The following AKAP6 variants were observed in gnomAD, a reference collection of about 807,000 sequenced individuals.
AKAP6 encodes A-kinase anchoring protein 6, also known as A-kinase anchor protein 6.
Under a neutral mutation model 188.5 loss-of-function variants are expected in AKAP6, and 58 were observed. The ratio of observed to expected loss-of-function variants is 0.31; its 90% CI spans 0.25 to 0.38. AKAP6 has a LOEUF of 0.38. AKAP6 is among the 10% of genes least tolerant of loss of function. The pLI is 1.00. For missense variants in AKAP6, 2,710 were observed against 2,740.0 expected (o/e 0.99, Z 0.24); for synonymous variants, 989 against 998.6 (o/e 0.99, Z 0.18).
rs1053927522 is a variant in AKAP6 at position 32,391,722 on chromosome 14, G to A, written c.-34-41738G>A. On this transcript the variant is annotated intron_variant, in intron 1 of 13. Transcript: ENST00000280979. ...TGCTTCTGTTCTGGCCATGTAAGATGTGACTGCTACCCCTTTGCATCTTCT... is the reference window on the plus strand; with the variant it reads ...TGCTTCTGTTCTGGCCATGTAAGATATGACTGCTACCCCTTTGCATCTTCT... 1.1e-4 allele frequency among the ~76,000 whole-genome samples: 16 copies of A among 152,262 alleles called. 1 individual carries two copies. In the South Asian group the frequency reaches 2.5e-3, roughly 24 times the overall value.
At chr14:32,366,146 C>A (rs1429037626) in intron 1 of AKAP6, among the ~76,000 whole-genome samples, 1 of 152,246 alleles carries the variant, frequency 6.6e-6, no homozygotes, top group African/African-American at 2.4e-5. Context: ...TCTTTCCTAC[C>A]CTTCCTTGTT....
At chr14:32,405,415 A>T (rs1356028826) in intron 1 of AKAP6, among the ~76,000 whole-genome samples, 1 of 152,152 alleles carries the variant, frequency 6.6e-6, no homozygotes, top group Non-Finnish European at 1.5e-5. Flanking sequence ...CTTAAATTTC[A>T]CAACAAATAT....
Position 32,823,644 on chromosome 14 carries a change from A to G in AKAP6, c.5831A>G (p.Asp1944Gly), listed in dbSNP as rs1447485259. ...KCKALMDSLDDSNTAGKEFVS... is the reference protein window; with the variant it reads ...KCKALMDSLDGSNTAGKEFVS... Reference sequence around the variant, plus strand: ...AAAGCACTTATGGATAGTTTAGATGATTCAAATACTGCTGGCAAGGAATTT... The same window carrying G: ...AAAGCACTTATGGATAGTTTAGATGGTTCAAATACTGCTGGCAAGGAATTT... Residue 1944 changes from aspartate (D) to glycine (G), a missense_variant, in exon 13 of 14, where the codon GAT becomes GGT. Asp to Gly is a moderately conservative substitution (Grantham distance 94, BLOSUM62 -1). Coordinates refer to ENST00000280979, the MANE Select transcript of AKAP6 (RefSeq NM_004274.5). 1.2e-6 allele frequency: 2 copies of G among 1,613,694 alleles called. No individual in the cohort carries two copies. The highest frequency in any genetic ancestry group is 1.7e-6 in the Non-Finnish European group (2 of 1,179,904).
chr14:32,746,637 G>T (rs2031921757), intron 11 of AKAP6, among the ~76,000 whole-genome samples: 1 of 152,142 alleles, frequency 6.6e-6, no homozygotes, highest in Non-Finnish European at 1.5e-5. Flanking sequence ...CTGGTATCTT[G>T]CTCTGCCCCA....
intron 7 of AKAP6, among the ~76,000 whole-genome samples, chr14:32,644,331 G>A (rs1017028731): frequency 2.0e-5 from 3 of 152,150 alleles, no homozygotes; most frequent in Admixed American, 6.5e-5. Context: ...TTTCTGTGAA[G>A]GTCATTGCTC....
chr14:32,519,619 A>G (rs927095167), intron 2 of AKAP6, among the ~76,000 whole-genome samples: 1 of 152,218 alleles, frequency 6.6e-6, no homozygotes, highest in African/African-American at 2.4e-5. Context: ...ATAGTGGTAA[A>G]GGGATCAATT....
At chr14:32,467,827 G>T (rs1355895142) in intron 2 of AKAP6, among the ~76,000 whole-genome samples, 1 of 151,904 alleles carries the variant, frequency 6.6e-6, no homozygotes, top group African/African-American at 2.4e-5. Flanking sequence ...TTCCATTCAG[G>T]ATGCACCTCT....
chr14:32,545,520 A>G lies in AKAP6; in HGVS notation c.867A>G (p.Ala289=). 1 of 1,614,238 alleles carries G rather than the reference A, an allele frequency of 6.2e-7. No individual in the cohort carries two copies. The highest frequency in any genetic ancestry group is 1.3e-5 in the African/African-American group (1 of 75,066). The stretch of plus-strand genomic sequence containing the variant: ...CTATCTCTACCAATGGCAGTGAAGC[A>G]GTTACTGAGGAGGTATCTCAAGTAT... ...ADSISTNGSE[A]VTEEVSQVSL... Residue 289 remains alanine (A), a synonymous_variant, in exon 4 of 14, where the codon GCA becomes GCG. Coordinates refer to ENST00000280979, the MANE Select transcript of AKAP6 (RefSeq NM_004274.5).
chr14:32,530,014 G>GTT, intron 2 of AKAP6, among the ~76,000 whole-genome samples: 1 of 66,612 alleles, frequency 1.5e-5, no homozygotes, highest in South Asian at 4.4e-4. Context: ...CTTTAAGACA[G>GTT]TTTTTTTTTG....
At chr14:32,806,029 G>A (rs1440602608) in intron 12 of AKAP6, among the ~76,000 whole-genome samples, 1 of 152,046 alleles carries the variant, frequency 6.6e-6, no homozygotes, top group Non-Finnish European at 1.5e-5. Flanking sequence ...TGCAAATATT[G>A]GATTCTGAAT....
chr14:32,711,635 A>G (rs1307434413), intron 9 of AKAP6, among the ~76,000 whole-genome samples: 1 of 152,070 alleles, frequency 6.6e-6, no homozygotes, highest in Non-Finnish European at 1.5e-5. Flanking sequence ...GACAAAGGCC[A>G]AAGAGGCTCA....
At chr14:32,548,511 T>A (rs929623930) in intron 4 of AKAP6, among the ~76,000 whole-genome samples, 1 of 151,726 alleles carries the variant, frequency 6.6e-6, no homozygotes, top group African/African-American at 2.4e-5. Flanking sequence ...TGAGCTTAAG[T>A]GATTTTTCTC....
intron 4 of AKAP6, among the ~76,000 whole-genome samples, chr14:32,558,927 C>T (rs534638949): frequency 1.3e-3 from 200 of 152,232 alleles, no homozygotes; most frequent in African/African-American, 4.6e-3. Context: ...ACCTCAAAGG[C>T]GTTTTGGAAA....
chr14:32,536,307 G>A (rs61982988), intron 3 of AKAP6, among the ~76,000 whole-genome samples: 8,224 of 152,240 alleles, frequency 0.054, 314 homozygotes, highest in South Asian at 0.14. Flanking sequence ...TACCTGAGAC[G>A]TAAAGGAGAG....
At chr14:32,606,351 CAAAA>C (rs1886125467) in intron 7 of AKAP6, among the ~76,000 whole-genome samples, 1 of 151,990 alleles carries the variant, frequency 6.6e-6, no homozygotes, top group South Asian at 2.1e-4. Flanking sequence ...AGGCAAAAAA[CAAAA>C]AATCTGAAAG....
At chr14:32,439,573 C>T (rs557928743) in intron 2 of AKAP6, among the ~76,000 whole-genome samples, 1 of 146,422 alleles carries the variant, frequency 6.8e-6, no homozygotes, top group East Asian at 2.0e-4. Context: ...GGATTATTCT[C>T]TTTCTCCCAC....
intron 2 of AKAP6, chr14:32,495,295 G>A (rs1880250482): frequency 1.3e-5 from 2 of 152,224 alleles, no homozygotes; most frequent in African/African-American, 4.8e-5. Flanking sequence ...CAACCTGTTG[G>A]TTGGTGGTGG....
intron 7 of AKAP6, among the ~76,000 whole-genome samples, chr14:32,616,015 C>T (rs969097884): frequency 2.6e-5 from 4 of 151,978 alleles, no homozygotes; most frequent in Non-Finnish European, 4.4e-5. Context: ...CAAATAAGTC[C>T]CTGAGCCTCA....
At chr14:32,756,781 G>C (rs57665853) in intron 11 of AKAP6, among the ~76,000 whole-genome samples, 6 of 152,116 alleles carry the variant, frequency 3.9e-5, no homozygotes, top group African/African-American at 1.2e-4. Flanking sequence ...GGTTTTGACT[G>C]TGAGTCCATT....
Sources: allele counts gnomAD v4.1 joint callset (sites outside exome capture counted in the v4.1 genomes callset), GRCh38; gene constraint gnomAD v4.1.1; transcripts MANE v1.5; gene names NCBI Gene and HGNC (gene_info 2026-07-23, HGNC 2026-07-21).